Variants in DNAH3 observed in about 807,000 individuals in gnomAD.
DNAH3 encodes axonemal beta dynein heavy chain 3.
In DNAH3, 332 loss-of-function variants were observed where a neutral mutation model predicts 432.5. The ratio of observed to expected loss-of-function variants is 0.77; its 90% CI spans 0.70 to 0.84. The LOEUF is 0.84. DNAH3 is among the 40% of genes least tolerant of loss of function. The probability of loss-of-function intolerance (pLI) is 0.00; values close to 1 mark genes in which losing one functional copy is unlikely to be tolerated. For missense variants in DNAH3, 4,861 were observed against 5,114.0 expected, an observed-to-expected ratio of 0.95 and a Z score of 1.51; for synonymous variants, 1,956 against 1,900.2, an observed-to-expected ratio of 1.03 and a Z score of -0.76.
At chr16:21,106,549 C>T (rs779417198) in exon 15 of DNAH3, 1 of 1,611,992 alleles carries the variant, frequency 6.2e-7, no homozygotes, top group Non-Finnish European at 8.5e-7. Context: ...TCTAAGTTGC[C>T]TCCTGAGTTT....
At chr16:21,136,053 C>T (rs550143327) in intron 6 of DNAH3, among the ~76,000 whole-genome samples, 3 of 151,918 alleles carry the variant, frequency 2.0e-5, no homozygotes, top group African/African-American at 7.3e-5. Context: ...TTTGAATTAG[C>T]GGTTAAATGA....
chr16:21,142,228 A>G (rs552728093), intron 3 of DNAH3, among the ~76,000 whole-genome samples: 1 of 152,022 alleles, frequency 6.6e-6, no homozygotes, highest in South Asian at 2.1e-4. Context: ...TTAGCCAGGC[A>G]TGGTGGCACA....
chr16:21,042,260 AC>A, intron 31 of DNAH3, 57 bp from the exon 32 acceptor site: 1 of 1,514,472 alleles, frequency 6.6e-7, no homozygotes, highest in Non-Finnish European at 8.9e-7. Context: ...CAACCACCCT[AC>A]TCTACCGGAG....
intron 19 of DNAH3, among the ~76,000 whole-genome samples, chr16:21,084,100 T>C (rs2091285081): frequency 6.6e-6 from 1 of 151,988 alleles, no homozygotes; most frequent in African/African-American, 2.4e-5. Flanking sequence ...CAATCCCCTT[T>C]CCCACCACCA....
At chr16:20,977,391 C>CAA (rs1467440851) in intron 50 of DNAH3, among the ~76,000 whole-genome samples, 2 of 152,014 alleles carry the variant, frequency 1.3e-5, no homozygotes, top group Non-Finnish European at 2.9e-5. Context: ...AAAACAAAAA[C>CAA]AAACAAACAA....
At chr16:21,094,632 C>G (rs546627908) in intron 18 of DNAH3, among the ~76,000 whole-genome samples, 1 of 152,220 alleles carries the variant, frequency 6.6e-6, no homozygotes, top group East Asian at 1.9e-4. Flanking sequence ...GATCACACCA[C>G]TGTACAAAGT....
chr16:21,027,928 C>T (rs1193309527), intron 37 of DNAH3, among the ~76,000 whole-genome samples: 1 of 152,206 alleles, frequency 6.6e-6, no homozygotes, highest in Non-Finnish European at 1.5e-5. Context: ...TATTTGAACA[C>T]CCGCATGGAC....
In DNAH3 at chr16:20,979,403, T is replaced by C. The variant is rs1030208797; in HGVS notation, c.8003A>G (p.Lys2668Arg). 2.5e-6 allele frequency: 4 copies of C among 1,614,050 alleles called. No individual in the cohort carries two copies. The African/African-American group carries it at 5.3e-5, about 22-fold the overall frequency. ...CCTCATCATAGCCACCTCTTGCCTCTTGCTATTCAGGAGCGTCTTGAAGGT... is the reference window on the plus strand; with the variant it reads ...CCTCATCATAGCCACCTCTTGCCTCCTGCTATTCAGGAGCGTCTTGAAGGT... The change falls in exon 50 of 62, where the codon AAG becomes AGG. Residue 2668 changes from lysine (K) to arginine (R), a missense_variant. By Grantham distance (26) the Lys-to-Arg change is conservative. Transcript: ENST00000261383.
chr16:21,133,632 C>T (rs1339305563), intron 7 of DNAH3, among the ~76,000 whole-genome samples: 4 of 151,024 alleles, frequency 2.6e-5, no homozygotes, highest in East Asian at 2.0e-4. Context: ...CCCAGCTACT[C>T]GGGAGGTTGA....
At chr16:21,081,717 A>C (rs377014742) in exon 20 of DNAH3, 1 of 1,613,596 alleles carries the variant, frequency 6.2e-7, no homozygotes, top group East Asian at 2.2e-5. Flanking sequence ...ATAGCCAACA[A>C]TCTCACTGAT....
At chr16:20,964,524 C>T (rs780632287) in exon 53 of DNAH3, 9 of 1,614,194 alleles carry the variant, frequency 5.6e-6, no homozygotes, top group African/African-American at 2.7e-5. Flanking sequence ...GGGTGCCTAA[C>T]TGCAGCGCGT....
intron 17 of DNAH3, 48 bp downstream of exon 17, chr16:21,098,568 C>T: frequency 3.9e-6 from 6 of 1,543,870 alleles, no homozygotes; most frequent in Non-Finnish European, 5.2e-6. Flanking sequence ...AGGATCAGAA[C>T]CAATAGACCA....
rs754014455 is a variant in DNAH3 at position 21,031,040 on chromosome 16, C to G, written c.5439+5G>C. On this transcript the variant is annotated splice_donor_5th_base_variant and intron_variant, in intron 37 of 61. Transcript: ENST00000261383. Reference sequence around the variant, plus strand: ...TGGAAAAGTCATATCAGGGTCAATACTTACCTTTTTATTGTCATCCAGAAC... The same window carrying G: ...TGGAAAAGTCATATCAGGGTCAATAGTTACCTTTTTATTGTCATCCAGAAC... 6.2e-7 allele frequency: 1 copy of G among 1,614,054 alleles called. No homozygotes were observed. The highest frequency in any genetic ancestry group is 8.5e-7 in the Non-Finnish European group (1 of 1,179,960).
chr16:21,012,063 G>T (rs2152702902), intron 41 of DNAH3, among the ~76,000 whole-genome samples: 1 of 152,246 alleles, frequency 6.6e-6, no homozygotes, highest in Middle Eastern at 3.4e-3. Context: ...TCCATGGCCT[G>T]TACTTTCCCA....
At chr16:21,159,429 C>G in exon 1 of DNAH3, 8 of 1,613,946 alleles carry the variant, frequency 5.0e-6, no homozygotes, top group Non-Finnish European at 6.8e-6. Context: ...TCGAGGCGCC[C>G]TGTAGCTCCC....
At chr16:21,060,300 T>C (rs1233985973) in exon 26 of DNAH3, 1 of 1,614,110 alleles carries the variant, frequency 6.2e-7, no homozygotes, top group Non-Finnish European at 8.5e-7. Context: ...CAATGACTTC[T>C]CGCATACTGG....
At chr16:20,971,137 G>C (rs1355801699) in intron 51 of DNAH3, among the ~76,000 whole-genome samples, 2 of 151,840 alleles carry the variant, frequency 1.3e-5, no homozygotes, top group African/African-American at 2.4e-5. Context: ...CAAAGTGCTG[G>C]GATTACAAGC....
At chr16:20,992,440 G>T (rs1373257483) in intron 44 of DNAH3, among the ~76,000 whole-genome samples, 1 of 152,186 alleles carries the variant, frequency 6.6e-6, no homozygotes, top group African/African-American at 2.4e-5. Context: ...CCGCCTCCCG[G>T]GTTCACGCCA....
chr16:21,084,362 G>A (rs1299948976), intron 19 of DNAH3, among the ~76,000 whole-genome samples: 1 of 151,666 alleles, frequency 6.6e-6, no homozygotes, highest in Non-Finnish European at 1.5e-5. Context: ...TTTCTCTGTT[G>A]CCCAGGCTAG....
Sources: gnomAD v4.1 joint callset for allele counts (sites outside exome capture counted in the v4.1 genomes callset) on GRCh38, gnomAD v4.1.1 for gene constraint, MANE v1.5 for transcripts, NCBI Gene and HGNC (gene_info 2026-07-23, HGNC 2026-07-21) for gene names.